OSBPL1A: variants seen among roughly 807,000 people sequenced by gnomAD.
OSBPL1A encodes oxysterol binding protein like 1A, also known as oxysterol-binding protein-related protein 1.
A neutral mutation model predicts 137.1 loss-of-function variants in OSBPL1A; 80 were observed. The ratio of observed to expected loss-of-function variants is 0.58; its 90% CI spans 0.49 to 0.70. The LOEUF is 0.70. OSBPL1A is among the 30% of genes least tolerant of loss of function. The pLI, the probability that OSBPL1A is intolerant of heterozygous loss-of-function variation, is 0.00. For missense variants in OSBPL1A, 970 were observed against 1,129.4 expected (o/e 0.86, Z 2.02); for synonymous variants, 365 against 389.7 (o/e 0.94, Z 0.75).
At chr18:24,211,161 T>G (rs974444921) in intron 17 of OSBPL1A, among the ~76,000 whole-genome samples, 1 of 151,542 alleles carries the variant, frequency 6.6e-6, no homozygotes, top group African/African-American at 2.4e-5. Context: ...GAGACAGGGT[T>G]TCACCAGGTT....
chr18:24,337,844 CCTTGTT>C (rs1446058483), intron 5 of OSBPL1A, among the ~76,000 whole-genome samples: 11 of 151,536 alleles, frequency 7.3e-5, no homozygotes, highest in African/African-American at 2.7e-4. Context: ...AGAAAATAAT[CCTTGTT>C]CTTAAGAGAT....
At chr18:24,236,234 T>C (rs187906417) in intron 16 of OSBPL1A, among the ~76,000 whole-genome samples, 92 of 152,272 alleles carry the variant, frequency 6.0e-4, no homozygotes, top group African/African-American at 2.2e-3. Context: ...TTATACAATA[T>C]TGAAAGTGTA....
At chr18:24,347,229 T>G (rs2091361254) in intron 4 of OSBPL1A, among the ~76,000 whole-genome samples, 1 of 152,170 alleles carries the variant, frequency 6.6e-6, no homozygotes, top group African/African-American at 2.4e-5. Context: ...CAGGCTGGAG[T>G]GCTGTGGTGA....
intron 4 of OSBPL1A, among the ~76,000 whole-genome samples, chr18:24,346,734 CTTTTTA>C (rs1353606240): frequency 4.6e-5 from 7 of 151,972 alleles, no homozygotes. Flanking sequence ...GTCATTTCTA[CTTTTTA>C]TTTTTATTTA....
chr18:24,232,074 G>A (rs2088301573), intron 16 of OSBPL1A, among the ~76,000 whole-genome samples: 2 of 152,080 alleles, frequency 1.3e-5, no homozygotes, highest in Admixed American at 6.5e-5. Flanking sequence ...GGTTTCCCAC[G>A]TACCAGGCAT....
rs527892601 is a variant in OSBPL1A, at chr18:24,363,471, G to T, written c.282+3421C>A. Among the ~76,000 whole-genome samples the T allele has an allele frequency of 1.2e-4, 15 of 122,564 alleles. No homozygotes were observed. The South Asian group carries it at 3.3e-3, about 27-fold the overall frequency. 80.4% of individuals were successfully genotyped at this position (122,564 alleles called of 152,430 possible). A position where few individuals can be genotyped will look rare whatever the true frequency, so the allele number is the denominator to read the frequency against. On this transcript the variant is annotated intron_variant, in intron 4 of 27. Transcript: ENST00000319481. The stretch of plus-strand genomic sequence containing the variant: ...CCTTTTTTTTTTTTTTTTTGAGATA[G>T]AATCTCGCTGTGTTGTCCAGGCTGG...
intron 15 of OSBPL1A, among the ~76,000 whole-genome samples, chr18:24,265,875 C>G (rs1396355281): frequency 2.0e-5 from 3 of 152,230 alleles, no homozygotes; most frequent in Non-Finnish European, 4.4e-5. Flanking sequence ...ATTCCCATCA[C>G]CACCTACTGC....
intron 15 of OSBPL1A, among the ~76,000 whole-genome samples, chr18:24,258,786 G>A (rs918183350): frequency 2.3e-4 from 35 of 151,776 alleles, no homozygotes; most frequent in Non-Finnish European, 2.5e-4. Flanking sequence ...GCCTCATAGT[G>A]GTAGATATTA....
At chr18:24,217,153 T>A (rs2087728062) in intron 17 of OSBPL1A, among the ~76,000 whole-genome samples, 1 of 152,132 alleles carries the variant, frequency 6.6e-6, no homozygotes, top group Non-Finnish European at 1.5e-5. Context: ...ATCCAACCCA[T>A]GGGCTCATAT....
At chr18:24,227,854 G>C (rs2088136329) in intron 16 of OSBPL1A, among the ~76,000 whole-genome samples, 1 of 152,110 alleles carries the variant, frequency 6.6e-6, no homozygotes, top group Non-Finnish European at 1.5e-5. Flanking sequence ...CACAGTATTA[G>C]TTTATGATTT....
intron 7 of OSBPL1A, among the ~76,000 whole-genome samples, chr18:24,327,111 C>CT (rs68045251): frequency 0.4 from 54,679 of 136,938 alleles, 11,593 homozygotes; most frequent in Middle Eastern, 0.53. Context: ...TTTCTTTTTT[C>CT]TTTTTTTTTT....
intron 25 of OSBPL1A, among the ~76,000 whole-genome samples, chr18:24,167,108 C>T (rs1017809424): frequency 6.6e-6 from 1 of 152,190 alleles, no homozygotes; most frequent in Non-Finnish European, 1.5e-5. Context: ...GAAGTCCTAA[C>T]CCAACACATC....
At chr18:24,390,682 G>A (rs1309731133) in intron 1 of OSBPL1A, among the ~76,000 whole-genome samples, 3 of 109,354 alleles carry the variant, frequency 2.7e-5, no homozygotes, top group Non-Finnish European at 5.0e-5. Flanking sequence ...GCAACAGAGT[G>A]CGACTCCGTC....
chr18:24,359,280 G>A (rs912151233), intron 4 of OSBPL1A, among the ~76,000 whole-genome samples: 12 of 151,384 alleles, frequency 7.9e-5, no homozygotes, highest in Admixed American at 1.3e-4. Context: ...GGAAGAGGGG[G>A]TCTTGTTATG....
At chr18:24,337,678 G>T (rs1290048865) in intron 5 of OSBPL1A, among the ~76,000 whole-genome samples, 1 of 151,652 alleles carries the variant, frequency 6.6e-6, no homozygotes, top group African/African-American at 2.4e-5. Flanking sequence ...TGGGATTCTG[G>T]ATTAGATCCT....
intron 7 of OSBPL1A, among the ~76,000 whole-genome samples, chr18:24,326,052 C>T (rs1487212435): frequency 6.6e-6 from 1 of 151,478 alleles, no homozygotes; most frequent in Admixed American, 6.6e-5. Flanking sequence ...ATAGCTAGCC[C>T]CTTATTTTTT....
At position 24,238,143 on chromosome 18, in the gene OSBPL1A, T is replaced by C. The variant is rs111741600; in HGVS notation, c.1444+1077A>G. ...TTCTTTAACTTCCTTAACCTAATCTTCAGTTCTCATCTCTCCTACCTCTCA... is the reference window on the plus strand; with the variant it reads ...TTCTTTAACTTCCTTAACCTAATCTCCAGTTCTCATCTCTCCTACCTCTCA... On this transcript the variant is annotated intron_variant, in intron 16 of 27. Coordinates refer to ENST00000319481, the MANE Select transcript of OSBPL1A (RefSeq NM_080597.4). Among the ~76,000 whole-genome samples the C allele has an allele frequency of 3.2e-3, 490 of 152,298 alleles. 2 individuals carry two copies. Among genetic ancestry groups the C allele is most frequent in the African/African-American group, 0.012 (478 of 41,558 alleles).
Position 24,271,318 on chromosome 18 carries a change from G to C in OSBPL1A, c.1281+9524C>G, listed in dbSNP as rs1458733453. Among the ~76,000 whole-genome samples, 2 of 152,134 alleles carry C rather than the reference G, an allele frequency of 1.3e-5. No individual in the cohort carries two copies. The highest frequency in any genetic ancestry group is 2.4e-5 in the African/African-American group (1 of 41,432). On this transcript the variant is annotated intron_variant, in intron 15 of 27. Transcript: ENST00000319481. This position sits in a 1 kb window ranked among gnomAD's most constrained non-coding sequence, Gnocchi z 4.0. Reference sequence around the variant, plus strand: ...TACTCCTCCCACTCCAGCCCTTCTTGACCTAATACCAATATTCAACTGAGA... The same window carrying C: ...TACTCCTCCCACTCCAGCCCTTCTTCACCTAATACCAATATTCAACTGAGA...
chr18:24,187,586 C>T (rs2086784207), intron 18 of OSBPL1A, among the ~76,000 whole-genome samples: 1 of 152,132 alleles, frequency 6.6e-6, no homozygotes, highest in African/African-American at 2.4e-5. Flanking sequence ...TGAATTCATT[C>T]ATATAAAGCA....
Sources: allele counts gnomAD v4.1 joint callset (sites outside exome capture counted in the v4.1 genomes callset), GRCh38; gene constraint gnomAD v4.1.1; non-coding constraint Gnocchi (gnomAD v3.1); transcripts MANE v1.5; gene names NCBI Gene and HGNC (gene_info 2026-07-23, HGNC 2026-07-21).